SOX5: variants seen among roughly 807,000 people sequenced by gnomAD.
The protein encoded by SOX5 is transcription factor SOX-5.
SOX5 carries 9 observed loss-of-function variants against 92.0 expected under a neutral mutation model. That is an observed-to-expected ratio of 0.10 (90% CI 0.06 to 0.17). The LOEUF is 0.17. SOX5 is among the 10% of genes least tolerant of loss of function. SOX5 has a pLI of 1.00. For missense variants in SOX5, 642 were observed against 944.5 expected (o/e 0.68, Z 4.20); for synonymous variants, 344 against 336.3 (o/e 1.02, Z -0.25).
At chr12:23,753,096 C>G (rs1419338973) in intron 4 of SOX5, among the ~76,000 whole-genome samples, 2 of 151,718 alleles carry the variant, frequency 1.3e-5, no homozygotes, top group Non-Finnish European at 2.9e-5. Flanking sequence ...GCATGACAAC[C>G]ATTAATTGAT....
intron 4 of SOX5, among the ~76,000 whole-genome samples, chr12:24,010,704 G>A (rs549993382): frequency 6.6e-6 from 1 of 152,276 alleles, no homozygotes; most frequent in Non-Finnish European, 1.5e-5. Context: ...GAAGGCCAAG[G>A]CAGGTGAATC....
chr12:23,991,100 T>A (rs1345855363), intron 4 of SOX5, among the ~76,000 whole-genome samples: 1 of 150,994 alleles, frequency 6.6e-6, no homozygotes, highest in Non-Finnish European at 1.5e-5. Flanking sequence ...ATGTCTATAA[T>A]CCCAGCACTT....
intron 3 of SOX5, among the ~76,000 whole-genome samples, chr12:23,814,789 T>C (rs1299559937): frequency 6.6e-6 from 1 of 152,202 alleles, no homozygotes; most frequent in African/African-American, 2.4e-5. Context: ...CGCTGCATTT[T>C]AATATATAGG....
intron 9 of SOX5, among the ~76,000 whole-genome samples, chr12:23,601,570 T>C (rs1265960458): frequency 2.0e-5 from 3 of 152,008 alleles, no homozygotes; most frequent in African/African-American, 7.2e-5. Context: ...ACACAGAAAA[T>C]ACCCCCAAGA....
chr12:23,761,382 A>T (rs2094558693), intron 3 of SOX5, among the ~76,000 whole-genome samples: 1 of 152,152 alleles, frequency 6.6e-6, no homozygotes. Flanking sequence ...CAAGATTTAG[A>T]TCATTTTAGG....
chr12:24,054,181 A>G (rs890487348), intron 4 of SOX5, among the ~76,000 whole-genome samples: 14 of 152,232 alleles, frequency 9.2e-5, no homozygotes, highest in African/African-American at 3.1e-4. Context: ...AGCTGTCAAA[A>G]TATTTCTTCC....
At chr12:23,676,294 C>T (rs144590363) in intron 6 of SOX5, among the ~76,000 whole-genome samples, 7 of 152,204 alleles carry the variant, frequency 4.6e-5, no homozygotes, top group African/African-American at 1.7e-4. Context: ...CATTTCACTA[C>T]GTATACGTAC....
intron 6 of SOX5, among the ~76,000 whole-genome samples, chr12:23,668,596 C>T (rs2084239464): frequency 6.6e-6 from 1 of 152,132 alleles, no homozygotes; most frequent in Admixed American, 6.6e-5. Context: ...ATCCTGATCA[C>T]TATTAATTTC....
intron 7 of SOX5, among the ~76,000 whole-genome samples, chr12:23,659,115 C>G (rs915016807): frequency 3.3e-5 from 5 of 152,114 alleles, no homozygotes; most frequent in Admixed American, 2.0e-4. Context: ...TGTCAGCTGA[C>G]ATAGCTGACA....
chr12:23,668,245 CA>C (rs1174154281), intron 6 of SOX5, among the ~76,000 whole-genome samples: 1 of 152,148 alleles, frequency 6.6e-6, no homozygotes, highest in East Asian at 1.9e-4. Context: ...AACAAAAACA[CA>C]CACAAAACAA....
intron 1 of SOX5, among the ~76,000 whole-genome samples, chr12:24,547,709 C>T (rs1952781570): frequency 6.6e-6 from 1 of 152,082 alleles, no homozygotes; most frequent in African/African-American, 2.4e-5. Flanking sequence ...TCTTAGAAAA[C>T]CTTCTCCAAC....
chr12:24,160,174 T>C (rs1952608641), intron 4 of SOX5, among the ~76,000 whole-genome samples: 1 of 152,064 alleles, frequency 6.6e-6, no homozygotes, highest in South Asian at 2.1e-4. Context: ...TAGAAAGAGG[T>C]TAGTAAGTTT....
At chr12:24,130,159 G>A (rs1210446326) in intron 4 of SOX5, among the ~76,000 whole-genome samples, 1 of 152,176 alleles carries the variant, frequency 6.6e-6, no homozygotes, top group African/African-American at 2.4e-5. Flanking sequence ...AAGGAGCATG[G>A]AAGGTAGACA....
intron 5 of SOX5, 70 bp downstream of exon 5, chr12:23,740,797 G>A (rs1467603490): frequency 1.8e-5 from 24 of 1,301,072 alleles, no homozygotes; most frequent in Non-Finnish European, 2.6e-5. Context: ...GTGTGCCTAG[G>A]ACAGTGACCT....
At chr12:23,962,024 A>G (rs1946998841) in intron 4 of SOX5, among the ~76,000 whole-genome samples, 1 of 152,222 alleles carries the variant, frequency 6.6e-6, no homozygotes, top group Admixed American at 6.5e-5. Flanking sequence ...AAAAAGTGAT[A>G]AGTTACATTG....
intron 11 of SOX5, among the ~76,000 whole-genome samples, chr12:23,551,656 C>A (rs1944243639): frequency 6.6e-6 from 1 of 151,750 alleles, no homozygotes. Context: ...ATTTAATAAT[C>A]CTTGAAGAAA....
intron 4 of SOX5, among the ~76,000 whole-genome samples, chr12:24,154,707 C>A (rs1008232793): frequency 5.9e-5 from 9 of 151,848 alleles, no homozygotes; most frequent in Admixed American, 1.3e-4. Context: ...ATATAAAAAA[C>A]CAAATACTTG....
intron 3 of SOX5, among the ~76,000 whole-genome samples, chr12:24,233,786 T>C (rs117854815): frequency 2.3e-3 from 347 of 152,350 alleles, no homozygotes; most frequent in Middle Eastern, 0.017. Context: ...ATATTTGGCA[T>C]TAAGTAACCA....
chr12:23,677,953 T>C (rs2085975557), intron 6 of SOX5, among the ~76,000 whole-genome samples: 1 of 152,264 alleles, frequency 6.6e-6, no homozygotes, highest in Non-Finnish European at 1.5e-5. Flanking sequence ...AATCATGCTC[T>C]TTGAGTAATA....
Sources: gnomAD v4.1 joint callset for allele counts (sites outside exome capture counted in the v4.1 genomes callset) on GRCh38, gnomAD v4.1.1 for gene constraint, MANE v1.5 for transcripts, NCBI Gene and HGNC (gene_info 2026-07-23, HGNC 2026-07-21) for gene names.